Variants in SLC4A1 observed in about 807,000 individuals in gnomAD.
The protein encoded by SLC4A1 is band 3 anion transport protein.
A neutral mutation model predicts 93.1 loss-of-function variants in SLC4A1; 29 were observed. That is an observed-to-expected ratio of 0.31 (90% CI 0.23 to 0.42). The LOEUF (loss-of-function observed/expected upper bound fraction) is 0.42. SLC4A1 is among the 20% of genes least tolerant of loss of function. The probability of loss-of-function intolerance (pLI) is 1.00; values close to 1 mark genes in which losing one functional copy is unlikely to be tolerated. For missense variants in SLC4A1, 965 were observed against 1,190.1 expected (o/e 0.81, Z 2.78); for synonymous variants, 469 against 497.2 (o/e 0.94, Z 0.76).
At position 44,248,891 on chromosome 17, in the gene SLC4A1, G is replaced by A. The variant is rs1183842180; in HGVS notation, c.*1567C>T. On this transcript the variant is annotated 3_prime_UTR_variant, in exon 20 of 20. Coordinates refer to ENST00000262418, the MANE Select transcript of SLC4A1 (RefSeq NM_000342.4). ...TTTTTTTTTTTTGAGACAGGGTCTC[G>A]CTCTGTTGCCCAGGCTGGAGTGCAG... is the stretch of plus-strand genomic sequence containing the variant. 2 of 121,766 alleles carry A rather than the reference G, an allele frequency of 1.6e-5. No homozygotes were observed. Among genetic ancestry groups the A allele is most frequent in the East Asian group, 2.6e-4 (1 of 3,776 alleles). 7.5% of individuals were successfully genotyped at this position (121,766 alleles called of 1,614,324 possible).
intron 1 of SLC4A1, among the ~76,000 whole-genome samples, chr17:44,265,317 C>T (rs558921042): frequency 2.0e-5 from 3 of 152,006 alleles, no homozygotes; most frequent in East Asian, 3.9e-4. Context: ...TTGCAGCACT[C>T]GGGGGTGGAG....
chr17:44,251,629 G>C, intron 17 of SLC4A1, 41 bp from the exon 18 acceptor site: 1 of 1,610,294 alleles, frequency 6.2e-7, no homozygotes, highest in East Asian at 2.2e-5. Context: ...GTTGCCCGAG[G>C]CCTGGCACCA....
At position 44,262,740 on chromosome 17, in the gene SLC4A1, C is replaced by T. The variant is rs145502796; in HGVS notation, c.16-14G>A. On this transcript the variant is annotated splice_polypyrimidine_tract_variant and intron_variant, in intron 2 of 19. Transcript: ENST00000262418. The stretch of plus-strand genomic sequence containing the variant: ...TTCATAATCATCCTGTGGGAAGTGG[C>T]CGCTGAGGCTGGGCTGTGAGGGGCT... 30,037 of 1,613,072 alleles carry T rather than the reference C, an allele frequency of 0.019. 322 individuals carry two copies. The highest frequency in any genetic ancestry group is 0.022 in the Non-Finnish European group (25,697 of 1,178,982).
intron 13 of SLC4A1, among the ~76,000 whole-genome samples, chr17:44,256,544 C>T (rs2047390564): frequency 6.6e-6 from 1 of 152,212 alleles, no homozygotes; most frequent in South Asian, 2.1e-4. Context: ...ATGATGGGAG[C>T]CAAGCCAAGG....
chr17:44,259,323 T>A lies in SLC4A1; in HGVS notation c.716A>T (p.Gln239Leu), dbSNP rs879026462. The change falls in exon 9 of 20, where the codon CAG becomes CTG. Residue 239 changes from glutamine to leucine, a missense_variant. By Grantham distance (113) the Gln-to-Leu change is moderately radical. Around this residue, in one of 2 missense-constraint regions of SLC4A1, gnomAD observed 770 missense variants for 1,006.6 expected, o/e 0.76. Coordinates refer to ENST00000262418, the MANE Select transcript of SLC4A1 (RefSeq NM_000342.4). ...VLVGRADFLE[Q>L]PVLGFVRLQE... ...CAGCCTCACGAAGCCCAGCACCGGC[T>A]GCTCCAGGAAGTCGGCGCGGCCTGT... The A allele has an allele frequency of 2.5e-6, 4 of 1,613,828 alleles. No individual in the cohort carries two copies. Among genetic ancestry groups the A allele is most frequent in the Non-Finnish European group, 2.5e-6 (3 of 1,179,984 alleles).
chr17:44,258,696 C>A lies in SLC4A1; in HGVS notation c.877-73G>T. On this transcript the variant is annotated intron_variant, in intron 9 of 19. Transcript: ENST00000262418. The surrounding 1 kb of genome is among the most constrained non-coding windows in gnomAD (Gnocchi z 6.1). The stretch of plus-strand genomic sequence containing the variant: ...AGGACCCAGGAGTCCACAGCCAGGG[C>A]CTCCAGGAACCAGAACCCCCTCAGG... 2.1e-6 allele frequency: 3 copies of A among 1,427,882 alleles called. No homozygotes were observed. The highest frequency in any genetic ancestry group is 2.9e-6 in the Non-Finnish European group (3 of 1,037,480). 88.5% of individuals were successfully genotyped at this position (1,427,882 alleles called of 1,614,324 possible).
intron 7 of SLC4A1, 100 bp from the exon 8 acceptor site, chr17:44,259,681 A>C (rs1598301266): frequency 6.5e-7 from 1 of 1,527,162 alleles, no homozygotes; most frequent in Non-Finnish European, 9.1e-7. Flanking sequence ...CTCTCCTGGC[A>C]CCCCCCGGGC....
chr17:44,266,410 T>C (rs1270310609), intron 1 of SLC4A1, among the ~76,000 whole-genome samples: 1 of 152,180 alleles, frequency 6.6e-6, no homozygotes, highest in Admixed American at 6.5e-5. Flanking sequence ...ACTGTGGCCT[T>C]GGTTGCCTAT....
Position 44,262,931 on chromosome 17 carries a change from G to T in SLC4A1, c.-65C>A, listed in dbSNP as rs886053001. On this transcript the variant is annotated 5_prime_UTR_variant, in exon 2 of 20. Coordinates refer to ENST00000262418, the MANE Select transcript of SLC4A1 (RefSeq NM_000342.4). ...GCCCCCAGCATAACCCGCACCGCGG[G>T]TCCCTGCAGCAGAGGGCACAGGCTG... 1.9e-5 allele frequency: 30 copies of T among 1,612,342 alleles called. No homozygotes were observed. The highest frequency in any genetic ancestry group is 2.2e-5 in the Non-Finnish European group (26 of 1,180,002).
intron 13 of SLC4A1, among the ~76,000 whole-genome samples, chr17:44,256,115 A>G (rs1025727565): frequency 6.6e-6 from 1 of 152,106 alleles, no homozygotes; most frequent in Non-Finnish European, 1.5e-5. Flanking sequence ...TCATCCGTCC[A>G]TCATCCACCC....
chr17:44,259,337 G>A lies in SLC4A1; in HGVS notation c.702C>T (p.Ala234=), dbSNP rs188161190. 1,442 of 1,613,578 alleles carry A rather than the reference G, an allele frequency of 8.9e-4. 18 individuals are homozygous for A. The highest frequency in any genetic ancestry group is 1.7e-4 in the Middle Eastern group (1 of 6,048). ...SEATLVLVGR[A]DFLEQPVLGF... Reference sequence around the variant, plus strand: ...CCAGCACCGGCTGCTCCAGGAAGTCGGCGCGGCCTGTTAGGGGATGAGAAG... The same window carrying A: ...CCAGCACCGGCTGCTCCAGGAAGTCAGCGCGGCCTGTTAGGGGATGAGAAG... Residue 234 remains alanine (A), a synonymous_variant, in exon 9 of 20, where the codon GCC becomes GCT. Coordinates refer to ENST00000262418, the MANE Select transcript of SLC4A1 (RefSeq NM_000342.4).
In SLC4A1 at chr17:44,261,526, G is replaced by A. The variant is rs755155212; in HGVS notation, c.168+49C>T. The A allele has an allele frequency of 9.9e-6, 16 of 1,614,018 alleles. No homozygotes were observed. In the Middle Eastern group the frequency reaches 1.5e-3, roughly 150 times the overall value. On this transcript the variant is annotated intron_variant, in intron 4 of 19. Transcript: ENST00000262418. ...CTCCTCTCTTCCCTGATCAAATGGT[G>A]GGTCCCAAAGGCAGCATGGGAAAGA...
intron 1 of SLC4A1, 147 bp from the exon 2 acceptor site, chr17:44,263,081 A>G: frequency 1.4e-6 from 1 of 703,204 alleles, no homozygotes; most frequent in Non-Finnish European, 2.5e-6. Context: ...GAAAGGGAGA[A>G]CGAGCTGGAT....
Position 44,258,477 on chromosome 17 carries a change from C to T in SLC4A1, c.1023G>A (p.Glu341=), listed in dbSNP as rs761222442. 1.2e-5 allele frequency: 20 copies of T among 1,614,040 alleles called. No homozygotes were observed. The East Asian group carries it at 4.5e-4, about 36-fold the overall frequency. Residue 341 remains glutamate (E), a synonymous_variant, in exon 10 of 20, where the codon GAG becomes GAA. Transcript: ENST00000262418. The surrounding 1 kb of genome is among the most constrained non-coding windows in gnomAD (Gnocchi z 6.1). ...TGGACTGATAGCGCCTTCGAAGTAG[C>T]TCCCTCTGCACAGGCACCAGACTGA... ...ALLSLVPVQR[E]LLRRRYQSSP... is the part of the protein sequence containing the mutation.
rs1184125605 is a variant in SLC4A1, at chr17:44,250,392, TCTG to T, written c.*63_*65del. 7.4e-7 allele frequency: 1 copy of T among 1,358,142 alleles called. No individual in the cohort carries two copies. Among genetic ancestry groups the T allele is most frequent in the African/African-American group, 1.4e-5 (1 of 70,042 alleles). 84.1% of individuals were successfully genotyped at this position (1,358,142 alleles called of 1,614,324 possible). A position where few individuals can be genotyped will look rare whatever the true frequency, so the allele number is the denominator to read the frequency against. ...GGAGTCCATGAGGTGCCCATGAACT[TCTG>T]CTTTTCCTTGGAAGGTGGGGATGTG... is the stretch of plus-strand genomic sequence containing the variant. On this transcript the variant is annotated 3_prime_UTR_variant, in exon 20 of 20. Transcript: ENST00000262418.
At chr17:44,254,343 G>A (rs1442873790) in intron 16 of SLC4A1, among the ~76,000 whole-genome samples, 153 bp downstream of exon 16, 1 of 151,936 alleles carries the variant, frequency 6.6e-6, no homozygotes, top group Non-Finnish European at 1.5e-5. Flanking sequence ...ACCTGGAACT[G>A]CCCCTGGCTT....
chr17:44,251,720 C>CTTTTCTTT, intron 17 of SLC4A1, 132 bp from the exon 18 acceptor site: 1 of 391,410 alleles, frequency 2.6e-6, no homozygotes. Context: ...CTTTTCTTTT[C>CTTTTCTTT]TTTTTTTTTT....
At position 44,258,127 on chromosome 17, in the gene SLC4A1, C is replaced by T; in HGVS notation, c.1141G>A (p.Gly381Ser). The T allele has an allele frequency of 6.2e-7, 1 of 1,614,066 alleles. No individual in the cohort carries two copies. The highest frequency in any genetic ancestry group is 8.5e-7 in the Non-Finnish European group (1 of 1,180,014). ...CGGCGCCGGATATCACGCACCAGGC[C>T]CCCGAAGAGCTGGCCTGTCTGCTGC... ...PLQQTGQLFG[G>S]LVRDIRRRYP... Residue 381 changes from glycine to serine, a missense_variant, in exon 11 of 20, where the codon GGC (glycine) becomes AGC (serine). By Grantham distance (56) the Gly-to-Ser change is moderately conservative. Coordinates refer to ENST00000262418, the MANE Select transcript of SLC4A1 (RefSeq NM_000342.4). The surrounding 1 kb of genome is among the most constrained non-coding windows in gnomAD (Gnocchi z 6.1).
intron 1 of SLC4A1, among the ~76,000 whole-genome samples, chr17:44,266,681 G>A (rs1175608497): frequency 6.6e-6 from 1 of 152,170 alleles, no homozygotes; most frequent in South Asian, 2.1e-4. Flanking sequence ...CCGCCAGCCA[G>A]GCCGCCCCCC....
Sources: allele counts gnomAD v4.1 joint callset (sites outside exome capture counted in the v4.1 genomes callset), GRCh38; gene constraint gnomAD v4.1.1; regional missense constraint gnomAD v4.1.1; non-coding constraint Gnocchi (gnomAD v3.1); transcripts MANE v1.5; gene names NCBI Gene and HGNC (gene_info 2026-07-23, HGNC 2026-07-21).